Variants in FGGY observed in about 807,000 individuals in gnomAD.
The protein encoded by FGGY is FGGY carbohydrate kinase domain containing.
A neutral mutation model predicts 71.3 loss-of-function variants in FGGY; 72 were observed. The observed-to-expected ratio is 1.01, with a 90% confidence interval of 0.84 to 1.23. The LOEUF (loss-of-function observed/expected upper bound fraction) is 1.23. FGGY is among the 50% of genes most tolerant of loss of function. The pLI is 0.00. For synonymous variants in FGGY, 251 were observed against 250.3 expected (o/e 1.00, Z -0.02); for missense variants, 668 against 682.3 (o/e 0.98, Z 0.23).
chr1:59,640,366 C>G (rs1456629437), intron 11 of FGGY, among the ~76,000 whole-genome samples: 2 of 152,150 alleles, frequency 1.3e-5, no homozygotes, highest in Middle Eastern at 3.2e-3. Context: ...TATGTTATAT[C>G]CTTTTGCTGG....
intron 13 of FGGY, 45 bp from the exon 14 acceptor site, chr1:59,673,994 C>G (rs767859825): frequency 4.1e-5 from 65 of 1,574,232 alleles, no homozygotes; most frequent in Middle Eastern, 1.7e-4. Context: ...CCTCACACTC[C>G]CCTGGCTCTG....
At chr1:59,541,607 T>C (rs2095440831) in intron 7 of FGGY, among the ~76,000 whole-genome samples, 1 of 152,190 alleles carries the variant, frequency 6.6e-6, no homozygotes, top group African/African-American at 2.4e-5. Context: ...AAATGGTAGA[T>C]TGAATGTTAT....
At position 59,472,808 on chromosome 1, in the gene FGGY, A is replaced by G. The variant is rs140707026; in HGVS notation, c.670+15732A>G. Among the ~76,000 whole-genome samples, 17 of 152,044 alleles carry G rather than the reference A, an allele frequency of 1.1e-4. No homozygotes were observed. In the East Asian group the frequency reaches 3.3e-3, roughly 29 times the overall value. ...TTTTGTGTCTAGCTCAGGGATTGTA[A>G]ATACACCAATCGGCTCTCTGTATCT... is the stretch of plus-strand genomic sequence containing the variant. On this transcript the variant is annotated intron_variant, in intron 6 of 15. Transcript: ENST00000303721.
chr1:59,590,623 G>A (rs182075308), intron 8 of FGGY, among the ~76,000 whole-genome samples: 2 of 152,284 alleles, frequency 1.3e-5, no homozygotes, highest in Admixed American at 1.3e-4. Context: ...GGGATGTAAG[G>A]CTGGTTCAAT....
At chr1:59,412,368 G>A (rs2063731874) in intron 5 of FGGY, among the ~76,000 whole-genome samples, 2 of 152,150 alleles carry the variant, frequency 1.3e-5, no homozygotes, top group Admixed American at 6.5e-5. Flanking sequence ...GGTGTGGAGA[G>A]GTTGAGGATG....
chr1:59,591,737 T>C (rs1419374064), intron 8 of FGGY, among the ~76,000 whole-genome samples: 1 of 152,246 alleles, frequency 6.6e-6, no homozygotes, highest in Non-Finnish European at 1.5e-5. Flanking sequence ...GCTAGCCATA[T>C]GTAGAAAGCT....
intron 8 of FGGY, among the ~76,000 whole-genome samples, chr1:59,586,408 C>T (rs71637740): frequency 0.12 from 18,631 of 151,750 alleles, 1,318 homozygotes; most frequent in South Asian, 0.3. Flanking sequence ...ATCGCAAGGA[C>T]AAAAAACCAA....
intron 14 of FGGY, among the ~76,000 whole-genome samples, chr1:59,745,302 C>T (rs1046299021): frequency 3.9e-5 from 6 of 152,152 alleles, no homozygotes; most frequent in African/African-American, 1.4e-4. Context: ...CTTGAAAGAG[C>T]ATGGAGGGAT....
intron 7 of FGGY, among the ~76,000 whole-genome samples, chr1:59,539,222 CTTCAG>C (rs1341100933): frequency 6.6e-6 from 1 of 152,114 alleles, no homozygotes; most frequent in Non-Finnish European, 1.5e-5. Context: ...ATTCAGTGTA[CTTCAG>C]TTCAGCATTC....
Position 59,723,357 on chromosome 1 carries a change from C to T in FGGY, c.1513-34574C>T, listed in dbSNP as rs147737276. Among the ~76,000 whole-genome samples, 381 of 152,274 alleles carry T rather than the reference C, an allele frequency of 2.5e-3. 9 individuals carry two copies. In the East Asian group the frequency reaches 0.057, roughly 23 times the overall value. ...TATTGCCACATGGATCATTCTAACT[C>T]GCTCTCCTTGCTTATATTTAAATTC... On this transcript the variant is annotated intron_variant, in intron 14 of 15. Transcript: ENST00000303721.
At chr1:59,526,481 G>T (rs2094983982) in intron 7 of FGGY, among the ~76,000 whole-genome samples, 2 of 152,230 alleles carry the variant, frequency 1.3e-5, no homozygotes, top group Non-Finnish European at 2.9e-5. Flanking sequence ...TCAGCAGCTG[G>T]TGGAAATGGG....
chr1:59,299,241 C>T (rs1419435180), intron 1 of FGGY, among the ~76,000 whole-genome samples: 1 of 152,064 alleles, frequency 6.6e-6, no homozygotes, highest in Non-Finnish European at 1.5e-5. Flanking sequence ...ACAAGCATGG[C>T]ACATGGTTGA....
At chr1:59,673,963 C>A in intron 13 of FGGY, 76 bp from the exon 14 acceptor site, 2 of 1,306,548 alleles carry the variant, frequency 1.5e-6, no homozygotes, top group Non-Finnish European at 2.2e-6. Context: ...GTGTTTTTGC[C>A]ACTGCGGCTG....
intron 9 of FGGY, among the ~76,000 whole-genome samples, chr1:59,615,816 C>A (rs1012000046): frequency 6.6e-6 from 1 of 152,002 alleles, no homozygotes; most frequent in African/African-American, 2.4e-5. Context: ...AAGAAACAAC[C>A]CCATCAGCAA....
At chr1:59,527,384 A>C (rs572759588) in intron 7 of FGGY, among the ~76,000 whole-genome samples, 1 of 152,104 alleles carries the variant, frequency 6.6e-6, no homozygotes, top group African/African-American at 2.4e-5. Context: ...CTGCATCTCT[A>C]CCTTCAGTGT....
intron 14 of FGGY, among the ~76,000 whole-genome samples, chr1:59,746,077 G>T (rs530250655): frequency 2.4e-4 from 37 of 152,258 alleles, no homozygotes; most frequent in Middle Eastern, 3.4e-3. Flanking sequence ...TGCTGAAGTT[G>T]TCCAGGACAA....
chr1:59,528,819 T>C (rs1215731607), intron 7 of FGGY, among the ~76,000 whole-genome samples: 2 of 152,214 alleles, frequency 1.3e-5, no homozygotes, highest in African/African-American at 2.4e-5. Context: ...TTGTGAAATA[T>C]ATTAAATATG....
chr1:59,744,858 C>T (rs779492897), intron 14 of FGGY, among the ~76,000 whole-genome samples: 2 of 152,140 alleles, frequency 1.3e-5, no homozygotes, highest in African/African-American at 2.4e-5. Flanking sequence ...AGTGGGGAGA[C>T]GTAAGAAAAC....
intron 9 of FGGY, among the ~76,000 whole-genome samples, chr1:59,621,613 G>A (rs929756021): frequency 2.0e-5 from 3 of 150,068 alleles, no homozygotes; most frequent in African/African-American, 7.3e-5. Context: ...TGATTTACAG[G>A]TTTTTTTTTC....
Sources: gnomAD v4.1 joint callset for allele counts (sites outside exome capture counted in the v4.1 genomes callset) on GRCh38, gnomAD v4.1.1 for gene constraint, MANE v1.5 for transcripts, NCBI Gene and HGNC (gene_info 2026-07-23, HGNC 2026-07-21) for gene names.